The following LDLRAD3 variants were observed in gnomAD, a reference collection of about 807,000 sequenced individuals.
The protein encoded by LDLRAD3 is low-density lipoprotein receptor class A domain-containing protein 3.
A neutral mutation model predicts 29.4 loss-of-function variants in LDLRAD3; 20 were observed. The ratio of observed to expected loss-of-function variants is 0.68; its 90% confidence interval spans 0.48 to 0.99. The LOEUF is 0.99. Ranked by LOEUF, LDLRAD3 falls within the 50% of genes least tolerant of loss-of-function variation. LDLRAD3 has a pLI of 0.00. For missense variants in LDLRAD3, 420 were observed against 454.3 expected (o/e 0.92, Z 0.69); for synonymous variants, 157 against 192.7 (o/e 0.81, Z 1.53).
intron 3 of LDLRAD3, among the ~76,000 whole-genome samples, chr11:36,097,227 A>G (rs992954838): frequency 1.3e-5 from 2 of 152,220 alleles, no homozygotes; most frequent in Non-Finnish European, 1.5e-5. Context: ...TTTGTTTGCA[A>G]AGAAGAAATC....
intron 1 of LDLRAD3, among the ~76,000 whole-genome samples, chr11:35,955,158 T>A (rs1200615737): frequency 1.3e-5 from 2 of 152,164 alleles, no homozygotes; most frequent in East Asian, 3.9e-4. Flanking sequence ...GGCACGAGAA[T>A]CGCTTGAACC....
At chr11:36,164,866 A>T (rs77823568) in intron 4 of LDLRAD3, among the ~76,000 whole-genome samples, 1,884 of 152,324 alleles carry the variant, frequency 0.012, 41 homozygotes, top group African/African-American at 0.043. Context: ...ATTAGCCATG[A>T]CCCAGTTGCT....
chr11:36,110,396 A>T (rs768251046), intron 4 of LDLRAD3, among the ~76,000 whole-genome samples: 2 of 152,074 alleles, frequency 1.3e-5, no homozygotes, highest in Non-Finnish European at 2.9e-5. Context: ...TCCATCCTGG[A>T]CACCTGGCAG....
intron 1 of LDLRAD3, among the ~76,000 whole-genome samples, chr11:35,948,298 GT>G (rs1398476454): frequency 1.3e-5 from 2 of 152,116 alleles, no homozygotes; most frequent in Admixed American, 1.3e-4. Context: ...TGGTTGTTGG[GT>G]TTTCTTGTTT....
intron 4 of LDLRAD3, among the ~76,000 whole-genome samples, chr11:36,147,151 T>C (rs1854208296): frequency 8.5e-6 from 1 of 118,010 alleles, no homozygotes; most frequent in Admixed American, 1.1e-4. Flanking sequence ...GGAGTCTTGC[T>C]CTGTCATCCA....
chr11:36,129,744 C>T (rs1258568079), intron 4 of LDLRAD3, among the ~76,000 whole-genome samples: 1 of 152,160 alleles, frequency 6.6e-6, no homozygotes, highest in Non-Finnish European at 1.5e-5. Context: ...CTAAAACCTG[C>T]CTGGAATGTT....
At chr11:36,139,200 G>T (rs1449553074) in intron 4 of LDLRAD3, among the ~76,000 whole-genome samples, 1 of 152,186 alleles carries the variant, frequency 6.6e-6, no homozygotes, top group Non-Finnish European at 1.5e-5. Flanking sequence ...TTAGATACTA[G>T]TAGCACCCTG....
intron 1 of LDLRAD3, chr11:36,010,279 C>T (rs1565159397): frequency 6.5e-6 from 1 of 154,382 alleles, no homozygotes; most frequent in East Asian, 1.9e-4. Flanking sequence ...AGATGGATGA[C>T]TTGAGTTGTC....
At chr11:35,991,051 T>C (rs540835621) in intron 1 of LDLRAD3, among the ~76,000 whole-genome samples, 44 of 152,332 alleles carry the variant, frequency 2.9e-4, no homozygotes, top group Non-Finnish European at 5.7e-4. Context: ...ACTTTCTAAC[T>C]GAATTCTGCG....
At chr11:35,991,293 T>C (rs1851685318) in intron 1 of LDLRAD3, among the ~76,000 whole-genome samples, 1 of 152,234 alleles carries the variant, frequency 6.6e-6, no homozygotes, top group Non-Finnish European at 1.5e-5. Flanking sequence ...AACTAGAAAC[T>C]GCACACAAAT....
At chr11:36,008,022 T>G (rs1202612013) in intron 1 of LDLRAD3, among the ~76,000 whole-genome samples, 1 of 152,200 alleles carries the variant, frequency 6.6e-6, no homozygotes, top group Non-Finnish European at 1.5e-5. Flanking sequence ...TCAGCCTACC[T>G]GAGTGGCCTC....
intron 1 of LDLRAD3, among the ~76,000 whole-genome samples, chr11:36,020,810 T>C (rs1852085842): frequency 1.3e-5 from 2 of 152,040 alleles, no homozygotes; most frequent in Non-Finnish European, 2.9e-5. Context: ...CGCTGTGGAA[T>C]GGGGATTTGA....
chr11:35,992,604 C>T (rs913557085), intron 1 of LDLRAD3, among the ~76,000 whole-genome samples: 3 of 152,204 alleles, frequency 2.0e-5, no homozygotes, highest in African/African-American at 7.2e-5. Context: ...CAAAAGACCA[C>T]ATATTGTATC....
chr11:35,953,338 A>T (rs534810674), intron 1 of LDLRAD3, among the ~76,000 whole-genome samples: 1 of 152,344 alleles, frequency 6.6e-6, no homozygotes, highest in Admixed American at 6.5e-5. Context: ...GAATTTATGA[A>T]TAACTTGATT....
chr11:36,008,787 C>T (rs1238492250), intron 1 of LDLRAD3, among the ~76,000 whole-genome samples: 4 of 152,166 alleles, frequency 2.6e-5, no homozygotes, highest in African/African-American at 9.6e-5. Context: ...TCACAGGAAA[C>T]TGTGCTGTTC....
At chr11:36,187,467 C>T (rs913949850) in intron 4 of LDLRAD3, among the ~76,000 whole-genome samples, 1 of 152,154 alleles carries the variant, frequency 6.6e-6, no homozygotes, top group African/African-American at 2.4e-5. Flanking sequence ...TTTCATGGCA[C>T]TACATAGAGC....
chr11:36,199,001 C>T (rs1045640431), intron 4 of LDLRAD3, among the ~76,000 whole-genome samples: 18 of 152,100 alleles, frequency 1.2e-4, no homozygotes, highest in African/African-American at 4.3e-4. Context: ...CCGGGGTTCA[C>T]CCCATTCTCC....
chr11:36,109,534 T>G (rs1853578225), intron 4 of LDLRAD3, among the ~76,000 whole-genome samples: 1 of 152,174 alleles, frequency 6.6e-6, no homozygotes, highest in African/African-American at 2.4e-5. Context: ...TGTGCTTGCT[T>G]TCCACTTTGC....
intron 4 of LDLRAD3, among the ~76,000 whole-genome samples, chr11:36,155,964 G>A (rs935732691): frequency 2.0e-5 from 3 of 152,144 alleles, no homozygotes; most frequent in African/African-American, 7.2e-5. Flanking sequence ...GCTTTGAGCT[G>A]GGAAATTATG....
Sources: gnomAD v4.1 joint callset for allele counts (sites outside exome capture counted in the v4.1 genomes callset) on GRCh38, gnomAD v4.1.1 for gene constraint, MANE v1.5 for transcripts, NCBI Gene and HGNC (gene_info 2026-07-23, HGNC 2026-07-21) for gene names.